METTL13: variants seen among roughly 807,000 people sequenced by gnomAD.
METTL13 encodes the protein eEF1A lysine and N-terminal methyltransferase.
Under a neutral mutation model 67.4 loss-of-function variants are expected in METTL13, and 52 were observed. The ratio of observed to expected loss-of-function variants is 0.77; its 90% CI spans 0.62 to 0.97. The LOEUF (loss-of-function observed/expected upper bound fraction) is 0.97, where lower values mean the gene tolerates loss of function less well. METTL13 is among the 50% of genes least tolerant of loss of function. METTL13 has a pLI of 0.00. For synonymous variants in METTL13, 354 were observed against 353.6 expected, an observed-to-expected ratio of 1.00 and a Z score of -0.01; for missense variants, 825 against 889.6, an observed-to-expected ratio of 0.93 and a Z score of 0.92.
intron 1 of METTL13, 38 bp downstream of exon 1, chr1:171,782,158 C>G (rs373276003): frequency 4.1e-5 from 64 of 1,577,608 alleles, no homozygotes; most frequent in Non-Finnish European, 5.5e-5. Flanking sequence ...GTACGTGCTC[C>G]GGAAGGTGGG....
chr1:171,784,379 C>G lies in METTL13; in HGVS notation c.793C>G (p.Leu265Val). The G allele has an allele frequency of 1.3e-6, 2 of 1,569,336 alleles. No homozygotes were observed. The highest frequency in any genetic ancestry group is 1.7e-6 in the Non-Finnish European group (2 of 1,157,614). The change falls in exon 2 of 8, where the codon CTG becomes GTG. Residue 265 changes from leucine (L) to valine (V), a missense_variant. Leu to Val is a conservative substitution (Grantham distance 32). Transcript: ENST00000361735. Reference sequence around the variant, plus strand: ...CAGCCAGCTGCGCCGCAAGGCCAGGCTGGGGAGTGTGTCTCTGGACTTGTG... The same window carrying G: ...CAGCCAGCTGCGCCGCAAGGCCAGGGTGGGGAGTGTGTCTCTGGACTTGTG... ...LCSQLRRKAR[L>V]GSVSLDLCDG... is the part of the protein sequence containing the mutation.
At chr1:171,783,298 GA>G (rs1329320164) in intron 1 of METTL13, among the ~76,000 whole-genome samples, 1 of 152,178 alleles carries the variant, frequency 6.6e-6, no homozygotes, top group Non-Finnish European at 1.5e-5. Flanking sequence ...ATCCGTGATG[GA>G]AGTAAGATTT....
chr1:171,790,350 G>C (rs1311353143), intron 4 of METTL13, 102 bp from the exon 5 acceptor site: 2 of 1,279,244 alleles, frequency 1.6e-6, no homozygotes, highest in African/African-American at 3.0e-5. Context: ...TTAACGATTG[G>C]GTCTTTTGAG....
chr1:171,790,379 C>T, intron 4 of METTL13, 73 bp from the exon 5 acceptor site: 1 of 1,388,628 alleles, frequency 7.2e-7, no homozygotes, highest in South Asian at 1.9e-5. Flanking sequence ...CCATCTGGAG[C>T]ACACTGCTGC....
intron 1 of METTL13, 119 bp downstream of exon 1, chr1:171,782,239 A>C (rs1197527850): frequency 9.3e-6 from 8 of 856,124 alleles, no homozygotes; most frequent in Non-Finnish European, 1.5e-5. Flanking sequence ...CGCATATTTC[A>C]GCATTTCCTG....
In METTL13 at chr1:171,786,023, A is replaced by C; in HGVS notation, c.1058A>C (p.Glu353Ala). The change falls in exon 3 of 8, where the codon GAG becomes GCG. Residue 353 changes from glutamate (E) to alanine (A), a missense_variant. Physicochemically the swap from Glu to Ala is moderately radical, Grantham distance 107 (BLOSUM62 -1). Coordinates refer to ENST00000361735, the MANE Select transcript of METTL13 (RefSeq NM_015935.5). ...QYESMDHIQA[E>A]LSARVMELAP... Reference sequence around the variant, plus strand: ...GAAAGCATGGACCACATCCAAGCTGAGCTGTCGGCTAGAGTCATGGAGCTG... The same window carrying C: ...GAAAGCATGGACCACATCCAAGCTGCGCTGTCGGCTAGAGTCATGGAGCTG... 1 of 1,614,018 alleles carries C rather than the reference A, an allele frequency of 6.2e-7. No individual in the cohort carries two copies. The highest frequency in any genetic ancestry group is 8.5e-7 in the Non-Finnish European group (1 of 1,179,968).
At chr1:171,790,358 G>C in intron 4 of METTL13, 94 bp from the exon 5 acceptor site, 1 of 1,316,362 alleles carries the variant, frequency 7.6e-7, no homozygotes, top group Non-Finnish European at 9.9e-7. Flanking sequence ...TGGGTCTTTT[G>C]AGTGTTCAAG....
At position 171,784,397 on chromosome 1, in the gene METTL13, G is replaced by C; in HGVS notation, c.811G>C (p.Asp271His). The C allele has an allele frequency of 1.3e-6, 2 of 1,559,318 alleles. No individual in the cohort carries two copies. Among genetic ancestry groups the C allele is most frequent in the Non-Finnish European group, 1.7e-6 (2 of 1,153,362 alleles). Residue 271 changes from aspartate to histidine, a missense_variant, in exon 2 of 8, where the codon GAC becomes CAC. By Grantham distance (81) the Asp-to-His change is moderately conservative. Transcript: ENST00000361735. ...GGCCAGGCTGGGGAGTGTGTCTCTG[G>C]ACTTGTGCGATGGGGACACGGGGGA... Reference protein sequence around the residue: ...RKARLGSVSLDLCDGDTGEPR... With the variant: ...RKARLGSVSLHLCDGDTGEPR...
chr1:171,788,201 C>T (rs1657089056), intron 4 of METTL13, among the ~76,000 whole-genome samples: 1 of 152,228 alleles, frequency 6.6e-6, no homozygotes, highest in Non-Finnish European at 1.5e-5. Context: ...GCAGGTGCTC[C>T]ATATACATCT....
At chr1:171,784,596 G>T (rs1459827299) in intron 2 of METTL13, 97 bp downstream of exon 2, 4 of 1,371,690 alleles carry the variant, frequency 2.9e-6, no homozygotes, top group Non-Finnish European at 3.8e-6. Context: ...TGGGGCTTTG[G>T]TGGGATTCTG....
At position 171,783,844 on chromosome 1, in the gene METTL13, A is replaced by G; in HGVS notation, c.258A>G (p.Gln86=). ...NIDISEVVIK[Q]MKECNATRRP... is the part of the protein sequence containing the mutation. The stretch of plus-strand genomic sequence containing the variant: ...ACATCAGTGAGGTTGTCATCAAGCA[A>G]ATGAAGGAATGTAATGCCACCCGAC... The change falls in exon 2 of 8, where the codon CAA becomes CAG. Residue 86 remains glutamine, a synonymous_variant. Transcript: ENST00000361735. The G allele has an allele frequency of 3.1e-6, 5 of 1,614,196 alleles. No individual in the cohort carries two copies. The highest frequency in any genetic ancestry group is 4.2e-6 in the Non-Finnish European group (5 of 1,180,040).
intron 4 of METTL13, among the ~76,000 whole-genome samples, chr1:171,790,193 A>G (rs1357033352): frequency 6.6e-6 from 1 of 152,212 alleles, no homozygotes; most frequent in Non-Finnish European, 1.5e-5. Context: ...CCAGCCATTC[A>G]TGAGGGATCT....
rs1157105009 is a variant in METTL13 at position 171,784,177 on chromosome 1, G to A, written c.591G>A (p.Glu197=). The A allele has an allele frequency of 1.2e-6, 2 of 1,614,224 alleles. No individual in the cohort carries two copies. The highest frequency in any genetic ancestry group is 1.7e-5 in the Admixed American group (1 of 60,030). Residue 197 remains glutamate, a synonymous_variant, in exon 2 of 8, where the codon GAG becomes GAA. Transcript: ENST00000361735. ...ANSQDQVLEA[E]PQFSLPVFAF... Reference sequence around the variant, plus strand: ...GCCAGGACCAGGTGTTGGAAGCAGAGCCTCAGTTCTCCTTGCCTGTCTTTG... The same window carrying A: ...GCCAGGACCAGGTGTTGGAAGCAGAACCTCAGTTCTCCTTGCCTGTCTTTG...
intron 3 of METTL13, among the ~76,000 whole-genome samples, chr1:171,787,310 C>G (rs765394641): frequency 1.3e-5 from 2 of 152,182 alleles, no homozygotes; most frequent in Non-Finnish European, 2.9e-5. Flanking sequence ...GAATATCTCT[C>G]TAGATTTGGA....
Position 171,787,914 on chromosome 1 carries a change from G to T in METTL13, c.1293G>T (p.Lys431Asn). 6.2e-7 allele frequency: 1 copy of T among 1,613,606 alleles called. No homozygotes were observed. The highest frequency in any genetic ancestry group is 8.5e-7 in the Non-Finnish European group (1 of 1,179,946). ...NVVQSEARLL[K>N]DVSHKAQKKR... is the part of the protein sequence containing the mutation. ...TGCAGTCCGAAGCCAGGTTGCTGAAGGATGTGTCTCACAAAGGTGAGGTGT... is the reference window on the plus strand; with the variant it reads ...TGCAGTCCGAAGCCAGGTTGCTGAATGATGTGTCTCACAAAGGTGAGGTGT... The change falls in exon 4 of 8, where the codon AAG (lysine) becomes AAT (asparagine). Residue 431 changes from lysine to asparagine, a missense_variant. Transcript: ENST00000361735.
rs371587027 is a variant in METTL13 at position 171,786,097 on chromosome 1, G to A, written c.1113+19G>A. ...GCAGCAGGTAACAAAGCTTTCGTAC[G>A]GCTTTCATGGGTCTCTGAAGTCATG... On this transcript the variant is annotated intron_variant, in intron 3 of 7. Transcript: ENST00000361735. 1.1e-5 allele frequency: 18 copies of A among 1,601,104 alleles called. No homozygotes were observed. The highest frequency in any genetic ancestry group is 4.5e-5 in the East Asian group (2 of 44,574).
At position 171,781,668 on chromosome 1, in the gene METTL13, A is replaced by C; in HGVS notation, c.-300A>C. ...GAATCACGAGGCTTCGCACCCGGATATGGTTATGGGCTCGGAAATCTAGTT... is the reference window on the plus strand; with the variant it reads ...GAATCACGAGGCTTCGCACCCGGATCTGGTTATGGGCTCGGAAATCTAGTT... On this transcript the variant is annotated 5_prime_UTR_variant, in exon 1 of 8. It removes an upstream start codon present in the reference 5' UTR. Transcript: ENST00000361735. 2 of 739,500 alleles carry C rather than the reference A, an allele frequency of 2.7e-6. No homozygotes were observed. Among genetic ancestry groups the C allele is most frequent in the Non-Finnish European group, 3.6e-6 (2 of 560,582 alleles). The allele number at this position is 739,500 out of a possible 1,614,324, so 45.8% of individuals were successfully genotyped here. A position where few individuals can be genotyped will look rare whatever the true frequency, so the allele number is the denominator to read the frequency against.
At chr1:171,795,975 T>C (rs553281688) in intron 7 of METTL13, among the ~76,000 whole-genome samples, 2 of 152,238 alleles carry the variant, frequency 1.3e-5, no homozygotes, top group South Asian at 4.1e-4. Flanking sequence ...CACTAGCAGC[T>C]CCTGCCTCAG....
chr1:171,784,368 G>T lies in METTL13; in HGVS notation c.782G>T (p.Arg261Leu), dbSNP rs200794655. The T allele has an allele frequency of 2.0e-5, 31 of 1,573,356 alleles. No homozygotes were observed. In the African/African-American group the frequency reaches 3.9e-4, roughly 20 times the overall value. Residue 261 changes from arginine to leucine, a missense_variant, in exon 2 of 8, where the codon CGC (arginine) becomes CTC (leucine). Arg to Leu is a moderately radical substitution (Grantham distance 102). Coordinates refer to ENST00000361735, the MANE Select transcript of METTL13 (RefSeq NM_015935.5). ...QYAWLCSQLR[R>L]KARLGSVSLD... Reference sequence around the variant, plus strand: ...GCCTGGCTGTGCAGCCAGCTGCGCCGCAAGGCCAGGCTGGGGAGTGTGTCT... The same window carrying T: ...GCCTGGCTGTGCAGCCAGCTGCGCCTCAAGGCCAGGCTGGGGAGTGTGTCT...
Sources: gnomAD v4.1 joint callset for allele counts (sites outside exome capture counted in the v4.1 genomes callset) on GRCh38, gnomAD v4.1.1 for gene constraint, MANE v1.5 for transcripts, NCBI Gene and HGNC (gene_info 2026-07-23, HGNC 2026-07-21) for gene names.